The following NELL2 variants were observed in gnomAD, a reference collection of about 807,000 sequenced individuals.
NELL2 encodes neural EGFL like 2, also known as protein kinase C-binding protein NELL2.
A neutral mutation model predicts 109.6 loss-of-function variants in NELL2; 41 were observed. That is an observed-to-expected ratio of 0.37 (90% CI 0.29 to 0.49). The LOEUF (loss-of-function observed/expected upper bound fraction) is 0.49. NELL2 is among the 20% of genes least tolerant of loss of function. The probability of loss-of-function intolerance (pLI) is 0.98; values close to 1 mark genes in which losing one functional copy is unlikely to be tolerated. For missense variants in NELL2, 900 were observed against 1,008.3 expected (o/e 0.89, Z 1.45); for synonymous variants, 355 against 344.7 (o/e 1.03, Z -0.33).
At chr12:44,844,636 C>A (rs1233607468) in intron 2 of NELL2, among the ~76,000 whole-genome samples, 1 of 152,104 alleles carries the variant, frequency 6.6e-6, no homozygotes, top group Non-Finnish European at 1.5e-5. Context: ...ATGGCATATA[C>A]AGGTTTGAGC....
At chr12:44,645,150 T>C (rs1947047476) in intron 13 of NELL2, among the ~76,000 whole-genome samples, 1 of 151,904 alleles carries the variant, frequency 6.6e-6, no homozygotes. Flanking sequence ...TGCGACTAAA[T>C]ATGAGAAGCA....
chr12:44,916,391 T>TA (rs958249736), upstream of NELL2, among the ~76,000 whole-genome samples: 12 of 151,162 alleles, frequency 7.9e-5, no homozygotes, highest in African/African-American at 1.7e-4. Flanking sequence ...GAATCTAAGC[T>TA]AAAAAAAATG....
chr12:44,816,792 A>G (rs1943366439), intron 2 of NELL2, among the ~76,000 whole-genome samples: 1 of 152,210 alleles, frequency 6.6e-6, no homozygotes, highest in African/African-American at 2.4e-5. Context: ...TAGCCAAGGG[A>G]AGTTTACTTA....
chr12:44,785,059 G>C (rs1422502956), intron 3 of NELL2, among the ~76,000 whole-genome samples: 1 of 152,174 alleles, frequency 6.6e-6, no homozygotes, highest in East Asian at 1.9e-4. Flanking sequence ...AAGAAATAAA[G>C]TGTATTCAAA....
At chr12:44,624,988 A>ATG (rs140704209) in intron 13 of NELL2, among the ~76,000 whole-genome samples, 2 of 69,988 alleles carry the variant, frequency 2.9e-5, no homozygotes, top group East Asian at 1.1e-3. Flanking sequence ...ATATATATAT[A>ATG]TGTGTGTGTA....
At chr12:44,894,118 T>C (rs1035081190) in intron 1 of NELL2, among the ~76,000 whole-genome samples, 1 of 152,214 alleles carries the variant, frequency 6.6e-6, no homozygotes, top group Non-Finnish European at 1.5e-5. Flanking sequence ...TTGTTAATTA[T>C]GCTCATAAGT....
intron 9 of NELL2, among the ~76,000 whole-genome samples, chr12:44,731,028 G>T (rs1050390361): frequency 3.3e-5 from 5 of 151,956 alleles, no homozygotes; most frequent in Non-Finnish European, 5.9e-5. Context: ...TAGAAGAAAT[G>T]GATAAATTTT....
chr12:44,912,150 G>C (rs1358141515), intron 1 of NELL2, among the ~76,000 whole-genome samples: 3 of 151,902 alleles, frequency 2.0e-5, no homozygotes, highest in Non-Finnish European at 4.4e-5. Flanking sequence ...GAAAATGCAT[G>C]GAACATTTAG....
chr12:44,652,995 G>C (rs7299592), intron 13 of NELL2, among the ~76,000 whole-genome samples: 1 of 151,902 alleles, frequency 6.6e-6, no homozygotes, highest in African/African-American at 2.4e-5. Flanking sequence ...ATTAGATTGG[G>C]ACCACCTGGA....
intron 12 of NELL2, among the ~76,000 whole-genome samples, chr12:44,669,599 T>TA (rs1209021014): frequency 1.3e-5 from 2 of 151,106 alleles, no homozygotes; most frequent in Non-Finnish European, 3.0e-5. Context: ...AAGAATAAAA[T>TA]AAAAAATGTA....
At chr12:44,745,110 C>T (rs532092195) in intron 9 of NELL2, among the ~76,000 whole-genome samples, 76 of 152,284 alleles carry the variant, frequency 5.0e-4, no homozygotes, top group African/African-American at 1.6e-3. Context: ...CCACCATAAT[C>T]GAGTGGGCTT....
chr12:44,741,510 C>T (rs139279561), intron 9 of NELL2, among the ~76,000 whole-genome samples: 1 of 152,190 alleles, frequency 6.6e-6, no homozygotes, highest in Non-Finnish European at 1.5e-5. Flanking sequence ...CGAGGCATCG[C>T]CTCACCCGGG....
At chr12:44,684,073 T>A (rs1948625392) in intron 12 of NELL2, among the ~76,000 whole-genome samples, 1 of 152,232 alleles carries the variant, frequency 6.6e-6, no homozygotes, top group Non-Finnish European at 1.5e-5. Context: ...TGGTAAGCTA[T>A]TGATTATTGC....
chr12:44,536,904 A>T (rs923190389), intron 15 of NELL2, among the ~76,000 whole-genome samples: 2 of 151,916 alleles, frequency 1.3e-5, no homozygotes, highest in Non-Finnish European at 2.9e-5. Context: ...ATTGACTTAG[A>T]TAATAAAAAT....
At chr12:44,844,638 G>A (rs1933877071) in intron 2 of NELL2, among the ~76,000 whole-genome samples, 1 of 152,112 alleles carries the variant, frequency 6.6e-6, no homozygotes, top group Admixed American at 6.5e-5. Context: ...GGCATATACA[G>A]GTTTGAGCTA....
intron 3 of NELL2, 59 bp from the exon 4 acceptor site, chr12:44,780,081 T>G: frequency 1.3e-6 from 2 of 1,563,852 alleles, no homozygotes; most frequent in Admixed American, 1.8e-5. Context: ...ACGATTGAAG[T>G]GATCTCTGTC....
chr12:44,662,000 T>C (rs909649658), intron 13 of NELL2, among the ~76,000 whole-genome samples: 6 of 152,090 alleles, frequency 3.9e-5, no homozygotes, highest in African/African-American at 1.2e-4. Context: ...ATTTTTTCTA[T>C]AGGAACACGA....
At position 44,532,726 on chromosome 12, in the gene NELL2, C is replaced by CA. The variant is rs758588435; in HGVS notation, c.1664-6dup. ...CATCAGAGCATTCATCAATGTCTGGCAAAAAAAGAGGGATTTTATAAAATT... is the reference window on the plus strand; with the variant it reads ...CATCAGAGCATTCATCAATGTCTGGCAAAAAAAAGAGGGATTTTATAAAATT... On this transcript the variant is annotated splice_region_variant and splice_polypyrimidine_tract_variant and intron_variant, in intron 15 of 19. Transcript: ENST00000429094. The CA allele has an allele frequency of 1.4e-5, 22 of 1,590,060 alleles. No individual in the cohort carries two copies. Among genetic ancestry groups the CA allele is most frequent in the Admixed American group, 1.8e-5 (1 of 54,966 alleles).
At chr12:44,849,956 A>G (rs1184590550) in intron 2 of NELL2, among the ~76,000 whole-genome samples, 1 of 152,176 alleles carries the variant, frequency 6.6e-6, no homozygotes, top group Non-Finnish European at 1.5e-5. Flanking sequence ...TTGTGAAAAA[A>G]CAGAGAGTAA....
Sources: gnomAD v4.1 joint callset for allele counts (sites outside exome capture counted in the v4.1 genomes callset) on GRCh38, gnomAD v4.1.1 for gene constraint, MANE v1.5 for transcripts, NCBI Gene and HGNC (gene_info 2026-07-23, HGNC 2026-07-21) for gene names.